Variants in CNTNAP2 observed in about 807,000 individuals in gnomAD.
The protein encoded by CNTNAP2 is contactin associated protein 2.
Under a neutral mutation model 155.2 loss-of-function variants are expected in CNTNAP2, and 98 were observed. The observed-to-expected ratio is 0.63, with a 90% CI of 0.54 to 0.75. CNTNAP2 has a LOEUF of 0.75. CNTNAP2 is among the 30% of genes least tolerant of loss of function. The pLI is 0.00. For missense variants in CNTNAP2, 1,727 were observed against 1,688.1 expected (o/e 1.02, Z -0.40); for synonymous variants, 651 against 631.2 (o/e 1.03, Z -0.47).
chr7:147,834,907 G>GA (rs1384995009), intron 13 of CNTNAP2, among the ~76,000 whole-genome samples: 1 of 152,166 alleles, frequency 6.6e-6, no homozygotes, highest in Non-Finnish European at 1.5e-5. Context: ...AAACTGTACA[G>GA]AGGTGCTTGT....
intron 1 of CNTNAP2, among the ~76,000 whole-genome samples, chr7:146,494,722 T>G (rs894924224): frequency 6.6e-6 from 1 of 152,250 alleles, no homozygotes; most frequent in Admixed American, 6.5e-5. Flanking sequence ...TCAACTGTTA[T>G]ACTGCAATGC....
At chr7:148,357,163 T>C (rs963096894) in intron 21 of CNTNAP2, among the ~76,000 whole-genome samples, 1 of 152,150 alleles carries the variant, frequency 6.6e-6, no homozygotes, top group Non-Finnish European at 1.5e-5. Context: ...AATTGAATCA[T>C]GGGGGTGGGT....
At chr7:147,516,631 T>C (rs1408511075) in intron 11 of CNTNAP2, among the ~76,000 whole-genome samples, 2 of 152,044 alleles carry the variant, frequency 1.3e-5, no homozygotes, top group Non-Finnish European at 2.9e-5. Context: ...TGTGTGTGTG[T>C]GTGTGTGTGT....
chr7:147,423,389 T>G (rs1164542239), intron 10 of CNTNAP2, among the ~76,000 whole-genome samples: 3 of 152,176 alleles, frequency 2.0e-5, no homozygotes, highest in Non-Finnish European at 2.9e-5. Context: ...CTTAATATGA[T>G]GAACAGACCT....
intron 21 of CNTNAP2, among the ~76,000 whole-genome samples, chr7:148,313,513 A>T (rs1053802045): frequency 5.3e-5 from 8 of 152,226 alleles, no homozygotes; most frequent in Non-Finnish European, 1.0e-4. Context: ...CAGCACTTGT[A>T]GCAAGCTCCC....
At chr7:146,152,157 TATA>T (rs1798061765) in intron 1 of CNTNAP2, among the ~76,000 whole-genome samples, 1 of 152,050 alleles carries the variant, frequency 6.6e-6, no homozygotes, top group Non-Finnish European at 1.5e-5. Context: ...ATGTGATGTA[TATA>T]CACAATGGAA....
chr7:148,008,758 A>T (rs1802021775), intron 15 of CNTNAP2, among the ~76,000 whole-genome samples: 1 of 152,232 alleles, frequency 6.6e-6, no homozygotes, highest in Non-Finnish European at 1.5e-5. Context: ...TGACACATTC[A>T]GCTATTGCTT....
chr7:146,492,447 A>T (rs1474864640), intron 1 of CNTNAP2, among the ~76,000 whole-genome samples: 1 of 152,174 alleles, frequency 6.6e-6, no homozygotes. Context: ...AAACATTTGG[A>T]GTTTCATCTT....
intron 15 of CNTNAP2, among the ~76,000 whole-genome samples, chr7:148,012,692 A>G (rs1802102454): frequency 6.6e-6 from 1 of 152,246 alleles, no homozygotes; most frequent in African/African-American, 2.4e-5. Context: ...AAAGTGTAAA[A>G]CATTCACACT....
At chr7:146,960,137 A>G (rs1031322005) in intron 3 of CNTNAP2, among the ~76,000 whole-genome samples, 5 of 152,104 alleles carry the variant, frequency 3.3e-5, no homozygotes, top group Non-Finnish European at 5.9e-5. Context: ...TCTTGCACTG[A>G]AAGTTCTCCT....
intron 8 of CNTNAP2, among the ~76,000 whole-genome samples, chr7:147,294,629 G>A (rs1805392432): frequency 6.6e-6 from 1 of 151,884 alleles, no homozygotes; most frequent in Non-Finnish European, 1.5e-5. Context: ...ATTAATATTT[G>A]TAATTATGAG....
intron 1 of CNTNAP2, among the ~76,000 whole-genome samples, chr7:146,731,373 ATTATT>A (rs1239689247): frequency 2.0e-5 from 3 of 151,324 alleles, no homozygotes; most frequent in African/African-American, 7.3e-5. Context: ...TTTATTATTT[ATTATT>A]TTATTTTTAT....
intron 13 of CNTNAP2, among the ~76,000 whole-genome samples, chr7:147,901,213 A>T (rs1444838094): frequency 6.6e-6 from 1 of 152,152 alleles, no homozygotes; most frequent in Non-Finnish European, 1.5e-5. Flanking sequence ...CTCTATTAAC[A>T]TAAGAGCATC....
chr7:146,894,838 G>C (rs912847589), intron 3 of CNTNAP2, among the ~76,000 whole-genome samples: 1 of 152,058 alleles, frequency 6.6e-6, no homozygotes, highest in Non-Finnish European at 1.5e-5. Context: ...TTTGCTGATG[G>C]CCGACCTTGA....
intron 4 of CNTNAP2, among the ~76,000 whole-genome samples, chr7:147,073,916 G>A (rs567212530): frequency 1.3e-5 from 2 of 152,262 alleles, no homozygotes; most frequent in East Asian, 1.9e-4. Context: ...AGAAAATGCA[G>A]TGTGGCATTT....
At chr7:147,002,124 T>C (rs540228349) in intron 3 of CNTNAP2, among the ~76,000 whole-genome samples, 1 of 151,912 alleles carries the variant, frequency 6.6e-6, no homozygotes, top group Non-Finnish European at 1.5e-5. Context: ...TAATGAAAAT[T>C]ATACAAAGAG....
chr7:148,409,815 G>T (rs1355198636), intron 23 of CNTNAP2, among the ~76,000 whole-genome samples: 2 of 60,610 alleles, frequency 3.3e-5, no homozygotes, highest in Non-Finnish European at 7.0e-5. Flanking sequence ...ACTTTGGGAG[G>T]CCGAGGCGGG....
At chr7:148,060,507 C>G (rs993246511) in intron 15 of CNTNAP2, among the ~76,000 whole-genome samples, 1 of 152,028 alleles carries the variant, frequency 6.6e-6, no homozygotes, top group African/African-American at 2.4e-5. Context: ...ATAGTTATAC[C>G]TTGAATCCTT....
At chr7:147,337,261 T>G (rs1335945700) in intron 9 of CNTNAP2, among the ~76,000 whole-genome samples, 2 of 152,072 alleles carry the variant, frequency 1.3e-5, no homozygotes, top group Non-Finnish European at 2.9e-5. Context: ...CAAGGGCAGA[T>G]GAAGTCTCAT....
Sources: gnomAD v4.1 joint callset for allele counts (sites outside exome capture counted in the v4.1 genomes callset) on GRCh38, gnomAD v4.1.1 for gene constraint, MANE v1.5 for transcripts, NCBI Gene and HGNC (gene_info 2026-07-23, HGNC 2026-07-21) for gene names.